Variants in PGAP2 observed in about 807,000 individuals in gnomAD.
The protein encoded by PGAP2 is acyltransferase PGAP2.
Under a neutral mutation model 33.2 loss-of-function variants are expected in PGAP2, and 21 were observed. The ratio of observed to expected loss-of-function variants is 0.63; its 90% CI spans 0.45 to 0.91. The LOEUF is 0.91. Ranked by LOEUF, PGAP2 falls within the 40% of genes least tolerant of loss-of-function variation. PGAP2 has a pLI of 0.00. For missense variants in PGAP2, 345 were observed against 424.0 expected (o/e 0.81, Z 1.64); for synonymous variants, 161 against 172.9 (o/e 0.93, Z 0.54).
intron 5 of PGAP2, 55 bp from the exon 6 acceptor site, chr11:3,824,965 G>GCCCA: frequency 6.2e-7 from 1 of 1,610,360 alleles, no homozygotes; most frequent in South Asian, 1.1e-5. Flanking sequence ...TGAGAGGGGA[G>GCCCA]CCCACGCTCT....
intron 3 of PGAP2, among the ~76,000 whole-genome samples, chr11:3,818,515 G>A (rs1053506155): frequency 6.6e-6 from 1 of 152,126 alleles, no homozygotes; most frequent in Non-Finnish European, 1.5e-5. Flanking sequence ...CTTTGGCCCA[G>A]ACTCGGGGAC....
In PGAP2 at chr11:3,815,225, C is replaced by T. The variant is rs542105332; in HGVS notation, c.166-2128C>T. Among the ~76,000 whole-genome samples the T allele has an allele frequency of 7.4e-4, 113 of 152,168 alleles. 1 individual carries two copies. Among genetic ancestry groups the T allele is most frequent in the African/African-American group, 2.2e-3 (93 of 41,524 alleles). On this transcript the variant is annotated intron_variant, in intron 2 of 6. Transcript: ENST00000278243. ...TGCCTTGGCCCTGGCTCTGCTTTGC[C>T]GTAGAACTATTCTCTCCTCGTGGCT...
chr11:3,825,417 G>GA lies in PGAP2; in HGVS notation c.908dup (p.Leu304AlafsTer8). On this transcript the variant is annotated frameshift_variant, in exon 7 of 7. Transcript: ENST00000278243. LOFTEE classifies it high-confidence loss of function. ...GGCCTGGTGGGACTTCGGGAACAAGGAGCTGCTCATAACCTCTCAGCCTGA... is the reference window on the plus strand; with the variant it reads ...GGCCTGGTGGGACTTCGGGAACAAGGAAGCTGCTCATAACCTCTCAGCCTGA... The GA allele has an allele frequency of 6.2e-7, 1 of 1,613,864 alleles. No individual in the cohort carries two copies. Among genetic ancestry groups the GA allele is most frequent in the Non-Finnish European group, 8.5e-7 (1 of 1,180,010 alleles).
chr11:3,798,165 C>T lies in PGAP2; in HGVS notation c.139+183C>T, dbSNP rs201602562. 180 of 1,389,192 alleles carry T rather than the reference C, an allele frequency of 1.3e-4. 1 individual carries two copies. In the East Asian group the frequency reaches 3.3e-3, roughly 25 times the overall value. The allele number at this position is 1,389,192 out of a possible 1,614,324, so 86.1% of individuals were successfully genotyped here. A position where few individuals can be genotyped will look rare whatever the true frequency, so the allele number is the denominator to read the frequency against. On this transcript the variant is annotated intron_variant, in intron 1 of 6. Transcript: ENST00000300730. ...GCCCTAAATCCTGACCCTATTCTCT[C>T]CTGACCCATGCTCGCCCCAGCACTT...
chr11:3,799,735 A>G (rs751938986), intron 1 of PGAP2, among the ~76,000 whole-genome samples: 3 of 152,114 alleles, frequency 2.0e-5, no homozygotes, highest in South Asian at 2.1e-4. Context: ...TGGGGAGTTC[A>G]AGGTAGGAGG....
At position 3,825,795 on chromosome 11, in the gene PGAP2, G is replaced by T; in HGVS notation, c.*337G>T. The T allele has an allele frequency of 4.5e-6, 1 of 220,764 alleles. No homozygotes were observed. The highest frequency in any genetic ancestry group is 9.2e-6 in the Non-Finnish European group (1 of 109,150). The allele number at this position is 220,764 out of a possible 1,614,324, so 13.7% of individuals were successfully genotyped here. ...CCTTTACACAGTCACCTTTCACTGA[G>T]GTCAGGAGCCCCTGAGCAGTGGCTG... On this transcript the variant is annotated 3_prime_UTR_variant, in exon 7 of 7. Coordinates refer to ENST00000278243, the MANE Select transcript of PGAP2 (RefSeq NM_014489.4).
chr11:3,802,869 T>C (rs7479058), intron 1 of PGAP2, among the ~76,000 whole-genome samples: 118,828 of 145,668 alleles, frequency 0.82, 49,136 homozygotes, highest in Non-Finnish European at 0.89. Context: ...CTCTTTTGCC[T>C]AGGCTGGAGT....
chr11:3,819,612 C>G (rs965818566), intron 3 of PGAP2, among the ~76,000 whole-genome samples: 1 of 151,976 alleles, frequency 6.6e-6, no homozygotes, highest in Admixed American at 6.6e-5. Context: ...GGGAACCCTG[C>G]TTTATACCAT....
intron 3 of PGAP2, among the ~76,000 whole-genome samples, chr11:3,821,350 C>G (rs576919809): frequency 6.6e-6 from 1 of 152,372 alleles, no homozygotes; most frequent in East Asian, 1.9e-4. Flanking sequence ...AATTCATTCC[C>G]TTGCTGGGTT....
intron 2 of PGAP2, among the ~76,000 whole-genome samples, chr11:3,816,698 G>T (rs1048086321): frequency 6.6e-6 from 1 of 152,210 alleles, no homozygotes; most frequent in Non-Finnish European, 1.5e-5. Context: ...CTGAGGCTTG[G>T]ATCATTCAGA....
At chr11:3,801,747 C>G (rs2083483949) in intron 1 of PGAP2, among the ~76,000 whole-genome samples, 1 of 151,256 alleles carries the variant, frequency 6.6e-6, no homozygotes. Flanking sequence ...GAGTTCAAGA[C>G]CAGCCTGGCC....
At chr11:3,821,223 C>A (rs2088549784) in intron 3 of PGAP2, among the ~76,000 whole-genome samples, 1 of 152,236 alleles carries the variant, frequency 6.6e-6, no homozygotes, top group Admixed American at 6.5e-5. Context: ...GTGGGCTGCC[C>A]TATGAGCCGC....
At chr11:3,810,609 C>G (rs568997770) in intron 1 of PGAP2, among the ~76,000 whole-genome samples, 1 of 152,314 alleles carries the variant, frequency 6.6e-6, no homozygotes, top group African/African-American at 2.4e-5. Context: ...CAATCCCAGG[C>G]TAGCACCAGG....
intron 5 of PGAP2, chr11:3,824,675 G>C: frequency 1.3e-6 from 1 of 766,232 alleles, no homozygotes; most frequent in Non-Finnish European, 2.0e-6. Flanking sequence ...CAGTGTCAGA[G>C]GACTGGTCTG....
upstream of PGAP2, among the ~76,000 whole-genome samples, chr11:3,806,830 T>C (rs1354029975): frequency 1.3e-5 from 2 of 152,116 alleles, no homozygotes; most frequent in African/African-American, 4.8e-5. Context: ...GAGACCAGCC[T>C]GACCAATATG....
chr11:3,815,458 C>T (rs558253251), intron 2 of PGAP2, among the ~76,000 whole-genome samples: 174 of 152,158 alleles, frequency 1.1e-3, no homozygotes, highest in African/African-American at 3.6e-3. Context: ...ACAGGCACAC[C>T]GCCACCATGA....
intron 1 of PGAP2, among the ~76,000 whole-genome samples, chr11:3,809,690 G>A (rs573071825): frequency 6.6e-6 from 1 of 152,328 alleles, no homozygotes; most frequent in African/African-American, 2.4e-5. Context: ...AAGGGACTTA[G>A]AGTCCATTTA....
chr11:3,802,075 C>T (rs2083536763), intron 1 of PGAP2, among the ~76,000 whole-genome samples: 1 of 53,252 alleles, frequency 1.9e-5, no homozygotes. Context: ...TTTTCCTTTT[C>T]CTTTTTTTTT....
chr11:3,825,530 C>A lies in PGAP2; in HGVS notation c.*72C>A, dbSNP rs1354006035. 6 of 1,472,240 alleles carry A rather than the reference C, an allele frequency of 4.1e-6. No homozygotes were observed. The Admixed American group carries it at 5.9e-5, about 15-fold the overall frequency. The allele number at this position is 1,472,240 out of a possible 1,614,324, so 91.2% of individuals were successfully genotyped here. A position where few individuals can be genotyped will look rare whatever the true frequency, so the allele number is the denominator to read the frequency against. On this transcript the variant is annotated 3_prime_UTR_variant, in exon 7 of 7. Transcript: ENST00000278243. ...AGAAACACGATACCATTCTGGCCTT[C>A]CCCACCCCACATCCTCTCTTGGCCT...
Sources: allele counts gnomAD v4.1 joint callset (sites outside exome capture counted in the v4.1 genomes callset), GRCh38; gene constraint gnomAD v4.1.1; transcripts MANE v1.5; gene names NCBI Gene and HGNC (gene_info 2026-07-23, HGNC 2026-07-21).